Variants in SPACA6 observed in about 807,000 individuals in gnomAD.
The protein encoded by SPACA6 is sperm acrosome membrane-associated protein 6.
For synonymous variants in SPACA6, 6 were observed against 1.5 expected, an observed-to-expected ratio of 4.05 and a Z score of -2.21; for missense variants, 8 against 2.8, an observed-to-expected ratio of 2.88 and a Z score of -1.34.
intron 2 of SPACA6, among the ~76,000 whole-genome samples, chr19:51,697,964 C>T (rs1330400012): frequency 1.3e-5 from 2 of 152,176 alleles, no homozygotes; most frequent in South Asian, 2.1e-4. Flanking sequence ...CTAACACTCA[C>T]TACGTGCTAG....
Position 51,693,463 on chromosome 19 carries a change from T to TC in SPACA6, c.-59dup. The TC allele has an allele frequency of 1.8e-6, 1 of 549,220 alleles. No homozygotes were observed. The allele number at this position is 549,220 out of a possible 1,614,324, so 34.0% of individuals were successfully genotyped here. A position where few individuals can be genotyped will look rare whatever the true frequency, so the allele number is the denominator to read the frequency against. On this transcript the variant is annotated 5_prime_UTR_variant, in exon 1 of 9. Transcript: ENST00000637797. ...CCTCTGACCCCAGACCACTGGCCCT[T>TC]CCCCCGCCCTGTGGTGACTTCATAA... is the stretch of plus-strand genomic sequence containing the variant.
chr19:51,691,353 G>A (rs1055985773), upstream of SPACA6, among the ~76,000 whole-genome samples: 2 of 151,512 alleles, frequency 1.3e-5, no homozygotes, highest in African/African-American at 4.9e-5. Flanking sequence ...AGAGGGAAGG[G>A]GCGGAGGGAG....
chr19:51,711,290 A>G (rs1011539208), intron 2 of SPACA6, among the ~76,000 whole-genome samples: 1 of 152,164 alleles, frequency 6.6e-6, no homozygotes, highest in Non-Finnish European at 1.5e-5. Context: ...GAGTTAATGG[A>G]AGTCAACATC....
downstream of SPACA6, among the ~76,000 whole-genome samples, chr19:51,706,545 A>C (rs898396469): frequency 1.3e-5 from 2 of 152,084 alleles, no homozygotes; most frequent in Admixed American, 6.5e-5. Context: ...GAGTATCACA[A>C]ACCCACCTCT....
At chr19:51,685,371 A>AT (rs1482868880), upstream of SPACA6, 1 of 152,124 alleles carries the variant, frequency 6.6e-6, no homozygotes, top group Non-Finnish European at 1.5e-5. Flanking sequence ...TTCAGGTTTG[A>AT]TTTTTTTATT....
intron 2 of SPACA6, among the ~76,000 whole-genome samples, chr19:51,710,729 A>T (rs1242072627): frequency 6.6e-6 from 1 of 152,184 alleles, no homozygotes. Context: ...AGAGACGAGG[A>T]TGAGAGGATC....
downstream of SPACA6, among the ~76,000 whole-genome samples, chr19:51,708,896 AG>A (rs1280862011): frequency 6.6e-6 from 1 of 151,976 alleles, no homozygotes; most frequent in African/African-American, 2.4e-5. Flanking sequence ...AAATTTAAAA[AG>A]GGAAAAGCCC....
chr19:51,693,934 A>C (rs2083400293), intron 1 of SPACA6, 194 bp downstream of exon 1: 1 of 386,080 alleles, frequency 2.6e-6, no homozygotes, highest in Non-Finnish European at 4.6e-6. Context: ...AAAGACTCAG[A>C]GAGGGGAGGA....
At chr19:51,692,721 C>A, upstream of SPACA6, 1 of 534,010 alleles carries the variant, frequency 1.9e-6, no homozygotes, top group Non-Finnish European at 3.9e-6. This position sits in a 1 kb window ranked among gnomAD's most constrained non-coding sequence, Gnocchi z 5.6. Context: ...CCGGCCCTCC[C>A]CCTCATCCCT....
chr19:51,697,583 T>G (rs1000627040), intron 2 of SPACA6, among the ~76,000 whole-genome samples: 1 of 152,112 alleles, frequency 6.6e-6, no homozygotes, highest in Non-Finnish European at 1.5e-5. Flanking sequence ...CAGGATATAT[T>G]TGGAGATAGA....
intron 2 of SPACA6, among the ~76,000 whole-genome samples, chr19:51,697,921 T>C (rs1021744661): frequency 6.6e-6 from 1 of 152,134 alleles, no homozygotes; most frequent in Admixed American, 6.5e-5. Context: ...ACCTCAAACT[T>C]GGAGATGGCA....
downstream of SPACA6, among the ~76,000 whole-genome samples, chr19:51,708,894 A>G (rs539317741): frequency 1.3e-5 from 2 of 152,206 alleles, no homozygotes; most frequent in East Asian, 3.9e-4. Flanking sequence ...AAAAATTTAA[A>G]AAGGGAAAAG....
At chr19:51,707,950 TG>T (rs1831787397), downstream of SPACA6, among the ~76,000 whole-genome samples, 1 of 152,240 alleles carries the variant, frequency 6.6e-6, no homozygotes, top group Admixed American at 6.5e-5. Flanking sequence ...TGCAGCGGCC[TG>T]TCAGTGCGTG....
At chr19:51,695,035 C>T (rs1056135935) in intron 2 of SPACA6, among the ~76,000 whole-genome samples, 1 of 149,436 alleles carries the variant, frequency 6.7e-6, no homozygotes, top group Non-Finnish European at 1.5e-5. Flanking sequence ...CACACACACA[C>T]TCGCACACAG....
chr19:51,696,520 T>G (rs2083431992), intron 2 of SPACA6, among the ~76,000 whole-genome samples: 1 of 152,076 alleles, frequency 6.6e-6, no homozygotes, highest in Non-Finnish European at 1.5e-5. Flanking sequence ...TGATTATACC[T>G]CACTACAGCT....
At chr19:51,686,905 TCAA>T (rs1379162634), upstream of SPACA6, 1 of 152,200 alleles carries the variant, frequency 6.6e-6, no homozygotes, top group Non-Finnish European at 1.5e-5. Context: ...TTAGTAATTA[TCAA>T]CAAATTTTAA....
At chr19:51,693,203 C>T, upstream of SPACA6, 1 of 575,578 alleles carries the variant, frequency 1.7e-6, no homozygotes, top group Non-Finnish European at 3.4e-6. Flanking sequence ...CTGTGCCTAT[C>T]TCCATCTCTG....
chr19:51,708,158 C>T (rs2122234532), downstream of SPACA6, among the ~76,000 whole-genome samples: 1 of 152,222 alleles, frequency 6.6e-6, no homozygotes, highest in African/African-American at 2.4e-5. Flanking sequence ...GACCAGCGCT[C>T]TTCCAGGAGA....
upstream of SPACA6, among the ~76,000 whole-genome samples, chr19:51,691,339 GGA>G (rs1317935919): frequency 6.6e-6 from 1 of 151,492 alleles, no homozygotes; most frequent in African/African-American, 2.4e-5. Flanking sequence ...GGTGAGGGAT[GGA>G]GAGAGGGAAG....
Sources: allele counts gnomAD v4.1 joint callset (sites outside exome capture counted in the v4.1 genomes callset), GRCh38; gene constraint gnomAD v4.1.1; non-coding constraint Gnocchi (gnomAD v3.1); transcripts MANE v1.5; gene names NCBI Gene and HGNC (gene_info 2026-07-23, HGNC 2026-07-21).